Variants in PKIB observed in about 807,000 individuals in gnomAD.
The protein encoded by PKIB is PKI-beta.
Under a neutral mutation model 4.5 loss-of-function variants are expected in PKIB, and 2 were observed. That is an observed-to-expected ratio of 0.44 (90% CI 0.18 to 1.39). The LOEUF is 1.39. PKIB is among the 40% of genes most tolerant of loss of function. The pLI is 0.27. For missense variants in PKIB, 94 were observed against 92.6 expected (o/e 1.02, Z -0.06); for synonymous variants, 38 against 36.0 (o/e 1.06, Z -0.20).
intron 2 of PKIB, among the ~76,000 whole-genome samples, chr6:122,662,147 G>A (rs907448069): frequency 6.6e-6 from 1 of 151,652 alleles, no homozygotes; most frequent in African/African-American, 2.4e-5. Context: ...TCTTTAGGTA[G>A]TCTTTCACTT....
chr6:122,629,708 C>G (rs750545206), intron 1 of PKIB, among the ~76,000 whole-genome samples: 9 of 152,160 alleles, frequency 5.9e-5, no homozygotes, highest in Non-Finnish European at 1.0e-4. Context: ...GAAAATGGCA[C>G]TTTTCCTCTG....
chr6:122,499,800 T>C (rs1776172732), intron 2 of PKIB, among the ~76,000 whole-genome samples: 1 of 152,144 alleles, frequency 6.6e-6, no homozygotes, highest in South Asian at 2.1e-4. Context: ...TCTAATTCTA[T>C]ACCTAGAAAA....
chr6:122,573,593 T>A (rs1053957175), intron 2 of PKIB, among the ~76,000 whole-genome samples: 1 of 150,494 alleles, frequency 6.6e-6, no homozygotes, highest in African/African-American at 2.4e-5. Flanking sequence ...CAAGTGGGTT[T>A]TATCTCAGGG....
In PKIB at chr6:122,650,978, G is replaced by A. The variant is rs76726727; in HGVS notation, c.-76+17611G>A. Among the ~76,000 whole-genome samples the A allele has an allele frequency of 1.2e-3, 187 of 152,244 alleles. 3 individuals carry two copies. The East Asian group carries it at 0.02, about 17-fold the overall frequency. On this transcript the variant is annotated intron_variant, in intron 2 of 4. Transcript: ENST00000368452. ...GTTAGAGCCTTTTCTAACCCTTTGAGCTAAAATACTGAATCCAGAATCTCT... is the reference window on the plus strand; with the variant it reads ...GTTAGAGCCTTTTCTAACCCTTTGAACTAAAATACTGAATCCAGAATCTCT...
intron 3 of PKIB, among the ~76,000 whole-genome samples, chr6:122,686,160 G>A (rs1333734047): frequency 1.3e-5 from 2 of 152,146 alleles, no homozygotes; most frequent in Non-Finnish European, 2.9e-5. Flanking sequence ...TTTCTTTGAA[G>A]TATGTACATT....
At chr6:122,473,651 C>T (rs1775371150) in intron 1 of PKIB, among the ~76,000 whole-genome samples, 1 of 152,070 alleles carries the variant, frequency 6.6e-6, no homozygotes, top group Non-Finnish European at 1.5e-5. Context: ...TTTCTCTTTG[C>T]CAACTATGAA....
chr6:122,633,975 C>T (rs12209544), intron 2 of PKIB, among the ~76,000 whole-genome samples: 26 of 59,390 alleles, frequency 4.4e-4, no homozygotes, highest in Admixed American at 8.3e-4. Context: ...TCTATCTATC[C>T]ATCTATCTAT....
intron 2 of PKIB, among the ~76,000 whole-genome samples, chr6:122,559,603 G>A (rs776577486): frequency 2.5e-4 from 38 of 151,914 alleles, no homozygotes; most frequent in Non-Finnish European, 4.7e-4. Context: ...TTTTGATGGG[G>A]ATTGCATTGA....
chr6:122,720,322 A>G lies in PKIB; in HGVS notation c.169+2359A>G, dbSNP rs370780014. On this transcript the variant is annotated intron_variant, in intron 4 of 4. Coordinates refer to ENST00000368452, the MANE Select transcript of PKIB (RefSeq NM_181795.3). ...ATCTATCCCTTATAAATTGATAACC[A>G]TGATAAAAAGGTCAATGATATTTGA... 3.1e-3 allele frequency among the ~76,000 whole-genome samples: 478 copies of G among 152,328 alleles called. 21 individuals are homozygous for G. In the South Asian group the frequency reaches 0.089, roughly 28 times the overall value.
intron 3 of PKIB, among the ~76,000 whole-genome samples, chr6:122,688,782 CTTTT>C (rs34877015): frequency 2.2e-4 from 31 of 139,080 alleles, no homozygotes; most frequent in Non-Finnish European, 2.8e-4. Context: ...ATGAGCCTTT[CTTTT>C]TTTTTTTTTT....
intron 3 of PKIB, among the ~76,000 whole-genome samples, chr6:122,687,825 G>A: frequency 6.6e-6 from 1 of 152,012 alleles, no homozygotes; most frequent in East Asian, 1.9e-4. Flanking sequence ...ATATTCTACT[G>A]AGTTTATCAG....
At chr6:122,558,205 T>C (rs540422132) in intron 2 of PKIB, among the ~76,000 whole-genome samples, 1 of 152,328 alleles carries the variant, frequency 6.6e-6, no homozygotes, top group Admixed American at 6.5e-5. Context: ...AAGCCTCTTT[T>C]TTCATGCTTC....
At chr6:122,678,833 A>G (rs1194640108) in intron 3 of PKIB, among the ~76,000 whole-genome samples, 1 of 152,234 alleles carries the variant, frequency 6.6e-6, no homozygotes, top group Non-Finnish European at 1.5e-5. Context: ...GTGCAAAACC[A>G]TAACCCACAA....
At chr6:122,701,746 A>G (rs558123771) in intron 3 of PKIB, among the ~76,000 whole-genome samples, 2 of 152,206 alleles carry the variant, frequency 1.3e-5, no homozygotes, top group Non-Finnish European at 2.9e-5. Context: ...ATTGCTTTCT[A>G]TTCACCCCAT....
At chr6:122,498,540 A>G (rs1468969358) in intron 2 of PKIB, among the ~76,000 whole-genome samples, 1 of 152,220 alleles carries the variant, frequency 6.6e-6, no homozygotes, top group East Asian at 1.9e-4. Flanking sequence ...CAGACACAAC[A>G]TACCAAAATC....
intron 2 of PKIB, among the ~76,000 whole-genome samples, chr6:122,664,060 G>C (rs1182197269): frequency 6.6e-6 from 1 of 152,164 alleles, no homozygotes; most frequent in East Asian, 1.9e-4. Context: ...GTCTCTACAA[G>C]ATGATGTTAT....
At chr6:122,708,641 C>A (rs777580302) in intron 3 of PKIB, among the ~76,000 whole-genome samples, 1 of 152,056 alleles carries the variant, frequency 6.6e-6, no homozygotes, top group African/African-American at 2.4e-5. Flanking sequence ...CAGAGTTAAT[C>A]TCTTTTTCTT....
At chr6:122,500,320 T>G (rs1214955724) in intron 2 of PKIB, among the ~76,000 whole-genome samples, 1 of 152,156 alleles carries the variant, frequency 6.6e-6, no homozygotes, top group Non-Finnish European at 1.5e-5. Flanking sequence ...AAGTATCCAG[T>G]ATATACTAAA....
chr6:122,616,545 A>G (rs1774997847), intron 1 of PKIB, among the ~76,000 whole-genome samples: 1 of 152,178 alleles, frequency 6.6e-6, no homozygotes, highest in Non-Finnish European at 1.5e-5. Flanking sequence ...CCTTTGTCCT[A>G]TCTTTAGGAG....
Sources: gnomAD v4.1 joint callset for allele counts (sites outside exome capture counted in the v4.1 genomes callset) on GRCh38, gnomAD v4.1.1 for gene constraint, MANE v1.5 for transcripts, NCBI Gene and HGNC (gene_info 2026-07-23, HGNC 2026-07-21) for gene names.